The following PTPRD variants were observed in gnomAD, a reference collection of about 807,000 sequenced individuals.
PTPRD encodes the protein protein tyrosine phosphatase receptor type D.
PTPRD carries 34 observed loss-of-function variants against 214.5 expected under a neutral mutation model. The ratio of observed to expected loss-of-function variants is 0.16; its 90% CI spans 0.12 to 0.21. The LOEUF (loss-of-function observed/expected upper bound fraction) is 0.21, where lower values mean the gene tolerates loss of function less well. PTPRD is among the 10% of genes least tolerant of loss of function. The pLI is 1.00. For synonymous variants in PTPRD, 1,128 were observed against 845.7 expected (o/e 1.33, Z -5.79); for missense variants, 2,545 against 2,398.7 (o/e 1.06, Z -1.27).
In PTPRD at chr9:8,316,440, A is replaced by G. The variant is rs545709626; in HGVS notation, c.*1434T>C. 1.7e-5 allele frequency: 4 copies of G among 230,992 alleles called. No individual in the cohort carries two copies. Among genetic ancestry groups the G allele is most frequent in the East Asian group, 1.2e-4 (2 of 16,318 alleles). The allele number at this position is 230,992 out of a possible 1,614,324, so 14.3% of individuals were successfully genotyped here. ...AATGTTTCTGACTGAACAGAGTAAC[A>G]TGAATTTGGCTTTGCCCCTGTTACA... On this transcript the variant is annotated 3_prime_UTR_variant, in exon 46 of 46. Transcript: ENST00000381196.
At chr9:8,643,109 T>C (rs78404068) in intron 12 of PTPRD, among the ~76,000 whole-genome samples, 10,652 of 152,162 alleles carry the variant, frequency 0.07, 1,135 homozygotes, top group African/African-American at 0.23. Flanking sequence ...AAAAAAATTG[T>C]TTATGGTATT....
At chr9:10,558,420 T>C (rs1476129362) in intron 2 of PTPRD, among the ~76,000 whole-genome samples, 2 of 152,118 alleles carry the variant, frequency 1.3e-5, no homozygotes, top group South Asian at 2.1e-4. Flanking sequence ...GAATCCCTAG[T>C]GTTTAGCAAA....
At chr9:8,559,498 T>A (rs1453197981) in intron 14 of PTPRD, among the ~76,000 whole-genome samples, 1 of 152,194 alleles carries the variant, frequency 6.6e-6, no homozygotes, top group Non-Finnish European at 1.5e-5. Context: ...TTCATCTGAA[T>A]AGAGAAACCA....
chr9:10,079,407 C>A (rs1166887168), intron 3 of PTPRD, among the ~76,000 whole-genome samples: 1 of 152,046 alleles, frequency 6.6e-6, no homozygotes, highest in Non-Finnish European at 1.5e-5. Context: ...AATCCCGAGG[C>A]CACCCCTGGG....
intron 11 of PTPRD, among the ~76,000 whole-genome samples, chr9:8,792,424 T>C (rs1490199213): frequency 6.6e-6 from 1 of 152,216 alleles, no homozygotes; most frequent in Non-Finnish European, 1.5e-5. Flanking sequence ...ATGGAAATAC[T>C]AACGGCTACC....
intron 3 of PTPRD, among the ~76,000 whole-genome samples, chr9:10,159,634 A>G (rs1460299078): frequency 6.6e-6 from 1 of 152,012 alleles, no homozygotes; most frequent in Non-Finnish European, 1.5e-5. Flanking sequence ...TAATTCAGAA[A>G]TTTATCAGAT....
intron 9 of PTPRD, among the ~76,000 whole-genome samples, chr9:9,379,264 A>AG (rs138392548): frequency 0.27 from 39,508 of 148,572 alleles, 5,425 homozygotes; most frequent in Middle Eastern, 0.37. Flanking sequence ...GTGAATGTTC[A>AG]ATGTCCCTCT....
chr9:10,483,363 C>T (rs1438088957), intron 2 of PTPRD, among the ~76,000 whole-genome samples: 1 of 151,988 alleles, frequency 6.6e-6, no homozygotes, highest in African/African-American at 2.4e-5. Context: ...ATTCTGGATA[C>T]TGGCCTAGGC....
At chr9:9,962,807 A>T (rs1020186597) in intron 4 of PTPRD, among the ~76,000 whole-genome samples, 1 of 152,126 alleles carries the variant, frequency 6.6e-6, no homozygotes, top group African/African-American at 2.4e-5. Flanking sequence ...CTTAGCAGAA[A>T]TATAAGAGTT....
At chr9:9,427,111 C>T (rs2081256998) in intron 8 of PTPRD, among the ~76,000 whole-genome samples, 1 of 152,154 alleles carries the variant, frequency 6.6e-6, no homozygotes, top group African/African-American at 2.4e-5. Flanking sequence ...TAACAAACTT[C>T]TCCGAGCTAA....
At chr9:9,768,360 T>C (rs1004025770) in intron 5 of PTPRD, among the ~76,000 whole-genome samples, 2 of 152,160 alleles carry the variant, frequency 1.3e-5, no homozygotes, top group African/African-American at 2.4e-5. Flanking sequence ...TATTAACATT[T>C]GAAAAGTAAA....
At chr9:10,397,645 C>T (rs1235529151) in intron 2 of PTPRD, among the ~76,000 whole-genome samples, 2 of 151,936 alleles carry the variant, frequency 1.3e-5, no homozygotes, top group African/African-American at 2.4e-5. Flanking sequence ...ATGTTTAATA[C>T]ACAAATACTT....
chr9:10,408,816 G>A (rs2098404295), intron 2 of PTPRD, among the ~76,000 whole-genome samples: 1 of 151,616 alleles, frequency 6.6e-6, no homozygotes, highest in Non-Finnish European at 1.5e-5. Context: ...AACATTGAGG[G>A]AATTACAGAA....
chr9:9,633,155 T>C (rs1202745395), intron 7 of PTPRD, among the ~76,000 whole-genome samples: 1 of 151,676 alleles, frequency 6.6e-6, no homozygotes, highest in Non-Finnish European at 1.5e-5. Flanking sequence ...ATTAAACATG[T>C]GTGAGGGTGG....
chr9:8,407,544 T>G (rs2093117414), intron 35 of PTPRD, among the ~76,000 whole-genome samples: 1 of 152,186 alleles, frequency 6.6e-6, no homozygotes, highest in Admixed American at 6.6e-5. Context: ...CTATCCAGAA[T>G]GCCACTGCAA....
chr9:9,916,144 A>G (rs1566274109), intron 5 of PTPRD, among the ~76,000 whole-genome samples: 1 of 151,954 alleles, frequency 6.6e-6, no homozygotes, highest in Non-Finnish European at 1.5e-5. Flanking sequence ...ATCTTTCAAA[A>G]ATGGAGGACG....
intron 8 of PTPRD, among the ~76,000 whole-genome samples, chr9:9,533,903 TCTC>T (rs987405367): frequency 3.3e-5 from 5 of 152,066 alleles, no homozygotes; most frequent in Non-Finnish European, 5.9e-5. Flanking sequence ...TCCATATTTA[TCTC>T]CTTTTTACTG....
At chr9:9,719,077 C>T (rs1319633169) in intron 7 of PTPRD, among the ~76,000 whole-genome samples, 1 of 152,118 alleles carries the variant, frequency 6.6e-6, no homozygotes, top group African/African-American at 2.4e-5. Context: ...TTGAATGGTG[C>T]TTTTTCCAGG....
chr9:8,644,839 C>T (rs1432610291), intron 12 of PTPRD, among the ~76,000 whole-genome samples: 3 of 152,186 alleles, frequency 2.0e-5, no homozygotes, highest in African/African-American at 7.2e-5. Context: ...TCGCAGTCTC[C>T]CTTGAAGACA....
Sources: gnomAD v4.1 joint callset for allele counts (sites outside exome capture counted in the v4.1 genomes callset) on GRCh38, gnomAD v4.1.1 for gene constraint, MANE v1.5 for transcripts, NCBI Gene and HGNC (gene_info 2026-07-23, HGNC 2026-07-21) for gene names.